Variants in ANKS1B observed in about 807,000 individuals in gnomAD.
ANKS1B encodes ankyrin repeat and sterile alpha motif domain containing 1B.
ANKS1B carries 36 observed loss-of-function variants against 148.3 expected under a neutral mutation model. The ratio of observed to expected loss-of-function variants is 0.24; its 90% CI spans 0.19 to 0.32. ANKS1B has a LOEUF of 0.32. Ranked by LOEUF, ANKS1B falls within the 10% of genes least tolerant of loss-of-function variation. The pLI, the probability that ANKS1B is intolerant of heterozygous loss-of-function variation, is 1.00. For synonymous variants in ANKS1B, 542 were observed against 560.8 expected, an observed-to-expected ratio of 0.97 and a Z score of 0.47; for missense variants, 1,157 against 1,542.6, an observed-to-expected ratio of 0.75 and a Z score of 4.19.
At chr12:98,892,819 T>C (rs2099755449) in intron 17 of ANKS1B, among the ~76,000 whole-genome samples, 1 of 152,206 alleles carries the variant, frequency 6.6e-6, no homozygotes, top group Non-Finnish European at 1.5e-5. Context: ...CTGGCCCCCA[T>C]TAGGGAAACT....
rs185985940 is a variant in ANKS1B, at chr12:99,288,503, C to T, written c.1757-41639G>A. 2.2e-4 allele frequency among the ~76,000 whole-genome samples: 33 copies of T among 152,180 alleles called. No individual in the cohort carries two copies. In the East Asian group the frequency reaches 4.8e-3, roughly 22 times the overall value. ...AAACTCACTGGTCATAATAAATAAACAGACAAACACGTAATATTAGAACAC... is the reference window on the plus strand; with the variant it reads ...AAACTCACTGGTCATAATAAATAAATAGACAAACACGTAATATTAGAACAC... On this transcript the variant is annotated intron_variant, in intron 12 of 26. Transcript: ENST00000683438.
chr12:99,354,870 A>C (rs1488541198), intron 12 of ANKS1B, among the ~76,000 whole-genome samples: 1 of 152,024 alleles, frequency 6.6e-6, no homozygotes, highest in Non-Finnish European at 1.5e-5. Context: ...GGGATAGGAA[A>C]TAGAAAGTTG....
At chr12:99,945,762 C>T (rs572601449) in intron 1 of ANKS1B, among the ~76,000 whole-genome samples, 63 of 152,244 alleles carry the variant, frequency 4.1e-4, no homozygotes, top group African/African-American at 1.3e-3. Flanking sequence ...GCTCAATTTC[C>T]CCTGTTGCAG....
At chr12:99,154,937 G>T in intron 14 of ANKS1B, 1 of 1,535,376 alleles carries the variant, frequency 6.5e-7, no homozygotes, top group African/African-American at 1.4e-5. Flanking sequence ...TCTGCAAGCT[G>T]TAAGCCTGCT....
intron 1 of ANKS1B, among the ~76,000 whole-genome samples, chr12:99,960,359 C>T (rs2095393055): frequency 6.6e-6 from 1 of 152,172 alleles, no homozygotes; most frequent in Non-Finnish European, 1.5e-5. Context: ...AATGAATTAG[C>T]CACATAAATT....
chr12:99,199,140 G>T (rs1364823103), intron 14 of ANKS1B, among the ~76,000 whole-genome samples: 4 of 152,092 alleles, frequency 2.6e-5, no homozygotes, highest in South Asian at 2.1e-4. Context: ...CCAATTTTTT[G>T]ACTACAACCT....
intron 1 of ANKS1B, among the ~76,000 whole-genome samples, chr12:99,918,563 G>C (rs929903775): frequency 6.6e-6 from 1 of 152,170 alleles, no homozygotes; most frequent in Admixed American, 6.5e-5. Context: ...GATAGAATCA[G>C]AACTTGACCC....
At chr12:98,738,208 G>T (rs1270755865) in intron 9 of ANKS1B, among the ~76,000 whole-genome samples, 1 of 152,146 alleles carries the variant, frequency 6.6e-6, no homozygotes, top group African/African-American at 2.4e-5. Context: ...ACCAGAATTT[G>T]GGAAATTTTC....
chr12:99,371,564 A>G (rs895741927), intron 12 of ANKS1B, among the ~76,000 whole-genome samples: 17 of 150,578 alleles, frequency 1.1e-4, no homozygotes, highest in African/African-American at 3.4e-4. Context: ...ACACATGTGC[A>G]CACACACACA....
chr12:99,898,115 T>C (rs928472897), intron 1 of ANKS1B, among the ~76,000 whole-genome samples: 1 of 152,190 alleles, frequency 6.6e-6, no homozygotes, highest in Non-Finnish European at 1.5e-5. Context: ...TTATTGTTGT[T>C]ATTATTATTA....
At chr12:98,813,825 G>A (rs1171140839) in intron 19 of ANKS1B, among the ~76,000 whole-genome samples, 1 of 152,008 alleles carries the variant, frequency 6.6e-6, no homozygotes. Flanking sequence ...AAAGTGCTGG[G>A]ATTACAGGCA....
At chr12:99,554,766 G>A (rs1258215910) in intron 9 of ANKS1B, among the ~76,000 whole-genome samples, 1 of 152,170 alleles carries the variant, frequency 6.6e-6, no homozygotes, top group Non-Finnish European at 1.5e-5. Context: ...GTGTGTCACA[G>A]GGGTTTGGAG....
intron 9 of ANKS1B, among the ~76,000 whole-genome samples, chr12:99,591,458 C>A (rs2097702482): frequency 6.6e-6 from 1 of 151,880 alleles, no homozygotes; most frequent in Admixed American, 6.6e-5. Flanking sequence ...ATAATATATT[C>A]TTATAAAATA....
intron 1 of ANKS1B, among the ~76,000 whole-genome samples, chr12:99,931,894 G>C (rs2094626193): frequency 6.6e-6 from 1 of 151,762 alleles, no homozygotes; most frequent in Admixed American, 6.6e-5. Context: ...TTATATTTTT[G>C]TACCCATTAA....
intron 12 of ANKS1B, among the ~76,000 whole-genome samples, chr12:99,277,592 C>T (rs981767860): frequency 1.2e-4 from 19 of 152,144 alleles, no homozygotes; most frequent in African/African-American, 4.6e-4. Flanking sequence ...AGAGTTCTTC[C>T]CTTTACTTCT....
rs192644790 is a variant in ANKS1B at position 99,500,572 on chromosome 12, C to T, written c.1438+3904G>A. Among the ~76,000 whole-genome samples, 46 of 152,238 alleles carry T rather than the reference C, an allele frequency of 3.0e-4. No homozygotes were observed. The East Asian group carries it at 3.9e-3, about 13-fold the overall frequency. On this transcript the variant is annotated intron_variant, in intron 10 of 26. Coordinates refer to ENST00000683438, the MANE Select transcript of ANKS1B (RefSeq NM_001352186.2). ...GCAGATTTGTGAGCAAAATAAATGACTGATGTCAGTTTGTTTTGGGGTGGC... is the reference window on the plus strand; with the variant it reads ...GCAGATTTGTGAGCAAAATAAATGATTGATGTCAGTTTGTTTTGGGGTGGC...
chr12:99,453,772 A>G (rs755313285), intron 10 of ANKS1B, among the ~76,000 whole-genome samples: 1 of 152,252 alleles, frequency 6.6e-6, no homozygotes, highest in Non-Finnish European at 1.5e-5. Context: ...TTGTGCTACA[A>G]TGGTGCTTAG....
At chr12:99,544,386 C>G (rs2153138137) in intron 9 of ANKS1B, among the ~76,000 whole-genome samples, 1 of 152,250 alleles carries the variant, frequency 6.6e-6, no homozygotes, top group South Asian at 2.1e-4. Flanking sequence ...GTCTGACAGT[C>G]CCTACCCGGA....
At chr12:98,804,768 A>G (rs964326350) in intron 20 of ANKS1B, among the ~76,000 whole-genome samples, 1 of 152,218 alleles carries the variant, frequency 6.6e-6, no homozygotes, top group Non-Finnish European at 1.5e-5. Context: ...CCTCATACAT[A>G]AAATCATTTT....
Sources: gnomAD v4.1 joint callset for allele counts (sites outside exome capture counted in the v4.1 genomes callset) on GRCh38, gnomAD v4.1.1 for gene constraint, MANE v1.5 for transcripts, NCBI Gene and HGNC (gene_info 2026-07-23, HGNC 2026-07-21) for gene names.